The following TENM1 variants were observed in gnomAD, a reference collection of about 807,000 sequenced individuals.
TENM1 encodes the protein teneurin transmembrane protein 1.
In TENM1, 35 loss-of-function variants were observed where a neutral mutation model predicts 174.8. That is an observed-to-expected ratio of 0.20 (90% CI 0.15 to 0.27). The LOEUF is 0.27. Ranked by LOEUF, TENM1 falls within the 10% of genes least tolerant of loss-of-function variation. The pLI is 1.00. For synonymous variants in TENM1, 781 were observed against 798.7 expected, an observed-to-expected ratio of 0.98 and a Z score of 0.37; for missense variants, 1,633 against 2,130.1, an observed-to-expected ratio of 0.77 and a Z score of 4.59.
chrX:125,113,779 CAA>C, the TENM1 span, among the ~76,000 whole-genome samples: 1 of 110,877 alleles, frequency 9.0e-6, no homozygotes, highest in Non-Finnish European at 1.9e-5. Context: ...TAGAGACCTA[CAA>C]AGAGACTTAG....
At chrX:125,140,792 A>C in the TENM1 span, among the ~76,000 whole-genome samples, 1 of 111,982 alleles carries the variant, frequency 8.9e-6, no homozygotes, top group Admixed American at 9.5e-5. Context: ...TATTTTTTCT[A>C]CTTCATTTCC....
intron 5 of TENM1, among the ~76,000 whole-genome samples, chrX:124,692,885 G>T (rs772190100): frequency 2.8e-4 from 30 of 106,888 alleles, no homozygotes; most frequent in Non-Finnish European, 5.6e-4. Context: ...ATGCATGCCT[G>T]TAATTCCAGT....
chrX:124,769,362 T>C lies in TENM1; in HGVS notation c.536-32165A>G, dbSNP rs372239053. 5.1e-4 allele frequency among the ~76,000 whole-genome samples: 57 copies of C among 111,752 alleles called. 2 individuals are homozygous for C. In the South Asian group the frequency reaches 0.02, roughly 40 times the overall value. On this transcript the variant is annotated intron_variant, in intron 3 of 31. Coordinates refer to ENST00000422452, the Ensembl canonical transcript of TENM1. ...TTAGGTCTTTTGTTGCCAGTTTTAA[T>C]TGGATTGTTCATCAAGCATCAACTC...
At chrX:124,436,062 C>CCACTCTAATTAATGTTT (rs1213195448) in intron 23 of TENM1, among the ~76,000 whole-genome samples, 9 of 111,423 alleles carry the variant, frequency 8.1e-5, no homozygotes, top group African/African-American at 2.9e-4. Context: ...GACAAACAGT[C>CCACTCTAATTAATGTTT]CACTCTAATT....
intron 3 of TENM1, among the ~76,000 whole-genome samples, chrX:124,778,532 A>G (rs1038158010): frequency 8.9e-6 from 1 of 112,089 alleles, no homozygotes; most frequent in Non-Finnish European, 1.9e-5. Context: ...GCTTTTGAGG[A>G]CTGAAATAAA....
intron 22 of TENM1, among the ~76,000 whole-genome samples, chrX:124,464,564 G>C (rs2061220266): frequency 8.9e-6 from 1 of 112,057 alleles, no homozygotes; most frequent in African/African-American, 3.2e-5. Flanking sequence ...AGGAGTGGTA[G>C]ACAGTCATTT....
intron 6 of TENM1, among the ~76,000 whole-genome samples, chrX:124,662,280 C>T (rs952321457): frequency 6.4e-5 from 7 of 109,091 alleles, no homozygotes; most frequent in South Asian, 4.1e-4. Context: ...TGGTGAAACC[C>T]TGTCTCTACT....
chrX:125,030,043 T>A, the TENM1 span, among the ~76,000 whole-genome samples: 1 of 112,549 alleles, frequency 8.9e-6, no homozygotes, highest in Non-Finnish European at 1.9e-5. Flanking sequence ...AGTGACCATC[T>A]ACAGTATATC....
chrX:124,698,758 C>T (rs1248763054), intron 5 of TENM1, among the ~76,000 whole-genome samples: 1 of 111,342 alleles, frequency 9.0e-6, no homozygotes, highest in Non-Finnish European at 1.9e-5. Flanking sequence ...TGTATCTTTC[C>T]TTTTTTGCTT....
chrX:124,608,238 T>C (rs957227477), intron 11 of TENM1, among the ~76,000 whole-genome samples: 46 of 111,374 alleles, frequency 4.1e-4, no homozygotes, highest in African/African-American at 1.4e-3. Context: ...ATTTTGGGAA[T>C]AAGCTGCAGT....
At chrX:124,557,317 G>C (rs988607888) in intron 14 of TENM1, among the ~76,000 whole-genome samples, 1 of 109,583 alleles carries the variant, frequency 9.1e-6, no homozygotes, top group Non-Finnish European at 1.9e-5. Context: ...CAAATATTTA[G>C]ATATTGGATG....
intron 1 of TENM1, among the ~76,000 whole-genome samples, chrX:124,936,858 C>T (rs186415053): frequency 9.0e-6 from 1 of 111,128 alleles, no homozygotes; most frequent in African/African-American, 3.3e-5. Context: ...ACCAGCTTGA[C>T]CAACATGGTG....
exon 4 of TENM1, chrX:124,737,167 G>A: frequency 8.3e-7 from 1 of 1,208,979 alleles, no homozygotes; most frequent in Non-Finnish European, 1.1e-6. Context: ...GGGTCTGAAG[G>A]TGAACTGGTT....
the TENM1 span, among the ~76,000 whole-genome samples, chrX:125,155,532 G>C: frequency 9.1e-6 from 1 of 109,679 alleles, no homozygotes; most frequent in Non-Finnish European, 1.9e-5. Flanking sequence ...GGCGCTCGTC[G>C]GGGAGACTCG....
chrX:124,945,044 GA>G (rs1376471613), intron 1 of TENM1, among the ~76,000 whole-genome samples: 3 of 110,784 alleles, frequency 2.7e-5, no homozygotes, highest in Non-Finnish European at 3.8e-5. Flanking sequence ...ACTATGGAAA[GA>G]AAAAAGCAGG....
At chrX:124,976,971 T>G in the TENM1 span, among the ~76,000 whole-genome samples, 31,795 of 110,789 alleles carry the variant, frequency 0.29, 3,531 homozygotes, top group Admixed American at 0.4. Flanking sequence ...ATATCCATAT[T>G]TTCATATTCA....
At chrX:124,978,643 G>A in the TENM1 span, among the ~76,000 whole-genome samples, 2 of 111,365 alleles carry the variant, frequency 1.8e-5, no homozygotes, top group African/African-American at 3.3e-5. Flanking sequence ...GGTTTCCTAC[G>A]GGTCACTCCT....
At chrX:124,621,122 G>A (rs2050507942) in intron 11 of TENM1, among the ~76,000 whole-genome samples, 1 of 111,942 alleles carries the variant, frequency 8.9e-6, no homozygotes, top group African/African-American at 3.2e-5. Context: ...GAAGTGTTTT[G>A]GATTTTGTAC....
chrX:124,533,820 A>C (rs1294399150), intron 15 of TENM1, among the ~76,000 whole-genome samples: 3 of 111,598 alleles, frequency 2.7e-5, no homozygotes, highest in East Asian at 5.6e-4. Flanking sequence ...TTGTGTGTCT[A>C]TATGTGTGGT....
Sources: allele counts gnomAD v4.1 joint callset (sites outside exome capture counted in the v4.1 genomes callset), GRCh38; gene constraint gnomAD v4.1.1; transcripts MANE v1.5; gene names NCBI Gene and HGNC (gene_info 2026-07-23, HGNC 2026-07-21).